Variants in EXT1 observed in about 807,000 individuals in gnomAD.
EXT1 encodes the protein exostosin glycosyltransferase 1.
In EXT1, 20 loss-of-function variants were observed where a neutral mutation model predicts 82.5. The ratio of observed to expected loss-of-function variants is 0.24; its 90% confidence interval spans 0.17 to 0.35. The LOEUF (loss-of-function observed/expected upper bound fraction) is 0.35, where lower values mean the gene tolerates loss of function less well. Among genes scored for constraint, EXT1 ranks in the 10% least tolerant of loss-of-function variants. The probability of loss-of-function intolerance (pLI) is 1.00; values close to 1 mark genes in which losing one functional copy is unlikely to be tolerated. For synonymous variants in EXT1, 348 were observed against 350.8 expected, an observed-to-expected ratio of 0.99 and a Z score of 0.09; for missense variants, 757 against 936.5, an observed-to-expected ratio of 0.81 and a Z score of 2.50.
At chr8:118,004,381 C>T (rs1815733148) in intron 1 of EXT1, among the ~76,000 whole-genome samples, 2 of 152,186 alleles carry the variant, frequency 1.3e-5, no homozygotes, top group Non-Finnish European at 2.9e-5. Context: ...CATTTAGCTC[C>T]TCAATGAATA....
intron 1 of EXT1, among the ~76,000 whole-genome samples, chr8:118,025,129 G>C (rs941721854): frequency 2.6e-5 from 4 of 152,172 alleles, no homozygotes; most frequent in African/African-American, 9.7e-5. Context: ...CTGTACTGGG[G>C]GTCAGAGTGG....
intron 1 of EXT1, among the ~76,000 whole-genome samples, chr8:117,844,732 G>A (rs1230763718): frequency 6.6e-6 from 1 of 152,128 alleles, no homozygotes; most frequent in Non-Finnish European, 1.5e-5. Flanking sequence ...GCACACAAAT[G>A]AGCTGCTATA....
intron 1 of EXT1, among the ~76,000 whole-genome samples, chr8:117,865,213 G>A (rs1201217458): frequency 2.6e-5 from 4 of 152,138 alleles, no homozygotes; most frequent in Non-Finnish European, 4.4e-5. Flanking sequence ...TGTCGCTCAG[G>A]CTGGTGTACA....
chr8:118,033,066 G>A (rs1354322898), intron 1 of EXT1, among the ~76,000 whole-genome samples: 2 of 152,114 alleles, frequency 1.3e-5, no homozygotes, highest in East Asian at 1.9e-4. Context: ...GTAACTTCAG[G>A]TATTTATGCC....
intron 1 of EXT1, among the ~76,000 whole-genome samples, chr8:118,109,297 A>G (rs185146309): frequency 6.6e-6 from 1 of 152,260 alleles, no homozygotes; most frequent in East Asian, 1.9e-4. Context: ...AGATAAAGAA[A>G]AAAGGGAACG....
chr8:117,867,274 G>A (rs978077182), intron 1 of EXT1, among the ~76,000 whole-genome samples: 23 of 68,280 alleles, frequency 3.4e-4, no homozygotes, highest in Non-Finnish European at 5.9e-4. Flanking sequence ...AAAAAAAAAA[G>A]CTTGAGGAAA....
intron 1 of EXT1, among the ~76,000 whole-genome samples, chr8:117,936,397 T>C (rs754591914): frequency 1.2e-4 from 19 of 152,208 alleles, no homozygotes; most frequent in Non-Finnish European, 2.2e-4. Context: ...CCATTTTTAC[T>C]TGTTAACTTA....
intron 1 of EXT1, among the ~76,000 whole-genome samples, chr8:117,874,764 T>C (rs1812938147): frequency 6.6e-6 from 1 of 152,122 alleles, no homozygotes; most frequent in Non-Finnish European, 1.5e-5. Flanking sequence ...ATACCAATGA[T>C]AGAAGAAACT....
chr8:117,799,983 G>A, intron 10 of EXT1, 86 bp from the exon 11 acceptor site: 1 of 1,423,762 alleles, frequency 7.0e-7, no homozygotes, highest in South Asian at 1.2e-5. Flanking sequence ...TCAGGCAAAT[G>A]AGCAAGCAGC....
At chr8:118,004,966 G>A (rs1815744189) in intron 1 of EXT1, among the ~76,000 whole-genome samples, 2 of 152,126 alleles carry the variant, frequency 1.3e-5, no homozygotes, top group Admixed American at 1.3e-4. Flanking sequence ...AGGACATTTA[G>A]TAAACATGGT....
intron 1 of EXT1, among the ~76,000 whole-genome samples, chr8:118,059,243 A>T (rs1266764440): frequency 6.6e-6 from 1 of 152,172 alleles, no homozygotes; most frequent in South Asian, 2.1e-4. Context: ...TGTTGTCCTT[A>T]TTTGTAGAGT....
At chr8:117,979,271 T>C (rs1815133414) in intron 1 of EXT1, among the ~76,000 whole-genome samples, 1 of 151,876 alleles carries the variant, frequency 6.6e-6, no homozygotes, top group African/African-American at 2.4e-5. Context: ...GAAGAATTGC[T>C]TGAACCCAGG....
At chr8:117,888,692 T>C (rs1276074170) in intron 1 of EXT1, among the ~76,000 whole-genome samples, 1 of 152,214 alleles carries the variant, frequency 6.6e-6, no homozygotes, top group East Asian at 1.9e-4. Flanking sequence ...GTGGACTCTC[T>C]TGGGATTCCC....
At chr8:117,837,316 C>T in intron 1 of EXT1, 115 bp from the exon 2 acceptor site, 1 of 808,350 alleles carries the variant, frequency 1.2e-6, no homozygotes, top group Non-Finnish European at 2.2e-6. Context: ...GGGAAAGCCA[C>T]CAGCAGGCAG....
chr8:118,076,052 C>T (rs1212988729), intron 1 of EXT1, among the ~76,000 whole-genome samples: 3 of 152,052 alleles, frequency 2.0e-5, no homozygotes, highest in Non-Finnish European at 4.4e-5. Context: ...ATTTATATAT[C>T]CCCACTGAGA....
rs144397063 is a variant in EXT1, at chr8:117,818,458, C to T, written c.1609G>A (p.Val537Ile). 1.2e-4 allele frequency: 200 copies of T among 1,614,088 alleles called. 1 individual carries two copies. Among genetic ancestry groups the T allele is most frequent in the South Asian group, 1.9e-4 (17 of 91,074 alleles). Residue 537 changes from valine (V) to isoleucine (I), a missense_variant, in exon 7 of 11, where the codon GTC (valine) becomes ATC (isoleucine). Around this residue, in one of 4 missense-constraint regions of EXT1, gnomAD observed 207 missense variants for 224.2 expected, o/e 0.92. Transcript: ENST00000378204. ...HRWPATAVPV[V>I]VIEGESKVMS... The stretch of plus-strand genomic sequence containing the variant: ...ACCTTGCTCTCTCCTTCAATGACGA[C>T]GACAGGCACAGCAGTGGCAGGCCAG...
intron 1 of EXT1, among the ~76,000 whole-genome samples, chr8:117,890,649 CAAAGAATAAACTGGG>C (rs1292044537): frequency 1.3e-5 from 2 of 152,118 alleles, no homozygotes; most frequent in Admixed American, 1.3e-4. Context: ...CATAGGGAAG[CAAAGAATAAACTGGG>C]TATTCCCAGG....
intron 8 of EXT1, among the ~76,000 whole-genome samples, chr8:117,812,624 G>A (rs1311325133): frequency 6.6e-6 from 1 of 152,172 alleles, no homozygotes; most frequent in Non-Finnish European, 1.5e-5. Flanking sequence ...TGGGAGGAGG[G>A]GTGAGGCCCA....
Position 117,897,591 on chromosome 8 carries a change from C to CTTTTTTTTTTTTTTTTTTTT in EXT1, c.963-60410_963-60391dup, listed in dbSNP as rs34963536. On this transcript the variant is annotated intron_variant, in intron 1 of 10. Transcript: ENST00000378204. ...TAGCCCATTGCCGGGCTTCTTTTCT[C>CTTTTTTTTTTTTTTTTTTTT]TTTTTTTTTTTTTTTTTTTTTGAGA... Among the ~76,000 whole-genome samples the CTTTTTTTTTTTTTTTTTTTT allele has an allele frequency of 3.6e-4, 33 of 90,690 alleles. 4 individuals carry two copies. Among genetic ancestry groups the CTTTTTTTTTTTTTTTTTTTT allele is most frequent in the African/African-American group, 1.0e-3 (24 of 22,894 alleles). The allele number at this position is 90,690 out of a possible 152,430, so 59.5% of individuals were successfully genotyped here.
Sources: gnomAD v4.1 joint callset for allele counts (sites outside exome capture counted in the v4.1 genomes callset) on GRCh38, gnomAD v4.1.1 for gene constraint, gnomAD v4.1.1 regional missense constraint, MANE v1.5 for transcripts, NCBI Gene and HGNC (gene_info 2026-07-23, HGNC 2026-07-21) for gene names.